SH3BGR: variants seen among roughly 807,000 people sequenced by gnomAD.
SH3BGR encodes the protein SH3 domain binding glutamate rich protein.
In SH3BGR, 29 loss-of-function variants were observed where a neutral mutation model predicts 24.5. The observed-to-expected ratio is 1.18, with a 90% CI of 0.88 to 1.61. The LOEUF is 1.61. SH3BGR is among the 40% of genes most tolerant of loss of function. The pLI is 0.00. For missense variants in SH3BGR, 162 were observed against 205.8 expected (o/e 0.79, Z 1.30); for synonymous variants, 55 against 65.7 (o/e 0.84, Z 0.79).
chr21:39,465,238 T>G (rs1340101156), intron 2 of SH3BGR, among the ~76,000 whole-genome samples: 3 of 152,144 alleles, frequency 2.0e-5, no homozygotes, highest in African/African-American at 7.2e-5. Context: ...CTGGCTACCT[T>G]CCCCTGAGCC....
intron 4 of SH3BGR, among the ~76,000 whole-genome samples, chr21:39,508,315 T>C (rs2078619032): frequency 6.6e-6 from 1 of 152,186 alleles, no homozygotes; most frequent in Non-Finnish European, 1.5e-5. Flanking sequence ...ATGGAAAAGC[T>C]TTTGTTTTCT....
intron 3 of SH3BGR, among the ~76,000 whole-genome samples, chr21:39,497,915 A>G (rs187933418): frequency 1.8e-4 from 28 of 152,236 alleles, no homozygotes; most frequent in Non-Finnish European, 3.7e-4. Flanking sequence ...TTGAAAACTA[A>G]TAAGAATAGC....
At chr21:39,492,466 G>GTGTGTGTGTGTGTGTATATATA (rs1404293146) in intron 3 of SH3BGR, among the ~76,000 whole-genome samples, 1 of 139,730 alleles carries the variant, frequency 7.2e-6, no homozygotes, top group African/African-American at 2.9e-5. Flanking sequence ...GTGTGTGTGT[G>GTGTGTGTGTGTGTGTATATATA]TATATATATA....
intron 2 of SH3BGR, among the ~76,000 whole-genome samples, chr21:39,463,856 A>C (rs985497819): frequency 2.0e-5 from 3 of 152,162 alleles, no homozygotes; most frequent in African/African-American, 7.2e-5. Flanking sequence ...TTAGCTTCCT[A>C]GGGTTGCTGT....
chr21:39,471,374 G>A (rs994426164), intron 2 of SH3BGR, among the ~76,000 whole-genome samples: 10 of 152,004 alleles, frequency 6.6e-5, no homozygotes, highest in African/African-American at 2.4e-4. Flanking sequence ...TTGAGCCCAG[G>A]TGTTGGAGAC....
At chr21:39,479,417 G>GTGGT (rs2078093787) in intron 3 of SH3BGR, among the ~76,000 whole-genome samples, 3 of 151,530 alleles carry the variant, frequency 2.0e-5, no homozygotes, top group African/African-American at 7.3e-5. Flanking sequence ...GATGGTGGTA[G>GTGGT]TGGTGGTGAG....
intron 1 of SH3BGR, among the ~76,000 whole-genome samples, chr21:39,453,363 T>C (rs1002794611): frequency 6.6e-6 from 1 of 152,202 alleles, no homozygotes; most frequent in Non-Finnish European, 1.5e-5. Flanking sequence ...GCTGAAACTT[T>C]CAGTTGATCT....
chr21:39,452,905 T>C (rs1233983244), intron 1 of SH3BGR, among the ~76,000 whole-genome samples: 1 of 152,238 alleles, frequency 6.6e-6, no homozygotes, highest in Non-Finnish European at 1.5e-5. Flanking sequence ...CTTGAACCTA[T>C]ATAGTGTCTG....
chr21:39,484,132 T>C (rs2078172843), intron 3 of SH3BGR, among the ~76,000 whole-genome samples: 1 of 152,194 alleles, frequency 6.6e-6, no homozygotes, highest in African/African-American at 2.4e-5. Flanking sequence ...ACTTTTTTCT[T>C]GGCAATGAGA....
intron 2 of SH3BGR, among the ~76,000 whole-genome samples, chr21:39,472,077 C>T: frequency 6.6e-6 from 1 of 151,818 alleles, no homozygotes; most frequent in Admixed American, 6.6e-5. Context: ...CTTTTTATTC[C>T]CTTATTTATA....
At chr21:39,484,097 A>G (rs542412541) in intron 3 of SH3BGR, among the ~76,000 whole-genome samples, 1 of 152,338 alleles carries the variant, frequency 6.6e-6, no homozygotes, top group South Asian at 2.1e-4. Context: ...TAGGGATGAT[A>G]TTGTAAAGGG....
At chr21:39,502,485 C>T (rs557366646) in intron 4 of SH3BGR, among the ~76,000 whole-genome samples, 132 of 152,312 alleles carry the variant, frequency 8.7e-4, no homozygotes, top group African/African-American at 3.1e-3. Flanking sequence ...TTAACCAACA[C>T]GCTGCGGTGG....
chr21:39,485,470 T>C (rs2078194728), intron 3 of SH3BGR, among the ~76,000 whole-genome samples: 1 of 152,114 alleles, frequency 6.6e-6, no homozygotes. Context: ...AGGGCTTCCT[T>C]ATATATAAGG....
intron 3 of SH3BGR, among the ~76,000 whole-genome samples, chr21:39,490,192 G>A (rs1195573090): frequency 6.6e-6 from 1 of 152,196 alleles, no homozygotes; most frequent in African/African-American, 2.4e-5. Context: ...GAACATTTAT[G>A]TTAACAAGGC....
intron 2 of SH3BGR, among the ~76,000 whole-genome samples, chr21:39,465,104 C>T (rs2077818878): frequency 6.6e-6 from 1 of 152,096 alleles, no homozygotes; most frequent in Admixed American, 6.5e-5. Flanking sequence ...AGGGGTCTCA[C>T]TGTGTTGCCC....
At chr21:39,455,622 G>A (rs1285804854) in intron 1 of SH3BGR, among the ~76,000 whole-genome samples, 1 of 152,248 alleles carries the variant, frequency 6.6e-6, no homozygotes. Context: ...GCAAGGGGGA[G>A]GATTTTGGAG....
intron 4 of SH3BGR, among the ~76,000 whole-genome samples, chr21:39,506,062 T>C (rs971712058): frequency 6.6e-6 from 1 of 152,234 alleles, no homozygotes; most frequent in Non-Finnish European, 1.5e-5. Context: ...ACAGATTTCA[T>C]GTGTTCTTCT....
intron 3 of SH3BGR, among the ~76,000 whole-genome samples, chr21:39,490,088 T>C (rs2078274642): frequency 6.6e-6 from 1 of 152,250 alleles, no homozygotes; most frequent in Non-Finnish European, 1.5e-5. Flanking sequence ...GGAACCCATG[T>C]ATTGTGTAAC....
chr21:39,486,690 CA>C (rs1325236286), intron 3 of SH3BGR, among the ~76,000 whole-genome samples: 2 of 152,132 alleles, frequency 1.3e-5, no homozygotes, highest in Non-Finnish European at 2.9e-5. Flanking sequence ...TGATACCAGG[CA>C]AAACAACAAT....
Sources: allele counts gnomAD v4.1 joint callset (sites outside exome capture counted in the v4.1 genomes callset), GRCh38; gene constraint gnomAD v4.1.1; transcripts MANE v1.5; gene names NCBI Gene and HGNC (gene_info 2026-07-23, HGNC 2026-07-21).